Variants in TH observed in about 807,000 individuals in gnomAD.
TH encodes the protein tyrosine 3-monooxygenase.
In TH, 49 loss-of-function variants were observed where a neutral mutation model predicts 57.4. The observed-to-expected ratio is 0.85, with a 90% CI of 0.68 to 1.08. The LOEUF is 1.08. TH is among the 50% of genes least tolerant of loss of function. TH has a pLI of 0.00. For synonymous variants in TH, 330 were observed against 304.5 expected, an observed-to-expected ratio of 1.08 and a Z score of -0.87; for missense variants, 720 against 696.7, an observed-to-expected ratio of 1.03 and a Z score of -0.38.
chr11:2,165,624 G>T, intron 11 of TH, 44 bp downstream of exon 11: 1 of 1,598,628 alleles, frequency 6.3e-7, no homozygotes, highest in Non-Finnish European at 8.6e-7. Context: ...CCGTCCCCCA[G>T]CCCTGCCCCT....
intron 12 of TH, among the ~76,000 whole-genome samples, 178 bp downstream of exon 12, chr11:2,165,054 C>T (rs1166346374): frequency 6.6e-6 from 1 of 152,208 alleles, no homozygotes; most frequent in Non-Finnish European, 1.5e-5. Flanking sequence ...CCTCCCCAGA[C>T]GCTGGGGTCC....
In TH at chr11:2,171,724, C is replaced by T. The variant is rs2133704145; in HGVS notation, c.63G>A (p.Leu21=). 1.2e-6 allele frequency: 2 copies of T among 1,612,830 alleles called. No individual in the cohort carries two copies. Among genetic ancestry groups the T allele is most frequent in the Non-Finnish European group, 1.7e-6 (2 of 1,179,864 alleles). Residue 21 remains leucine (L), a synonymous_variant, in exon 1 of 13, where the codon CTG becomes CTA. Coordinates refer to ENST00000352909, the MANE Select transcript of TH (RefSeq NM_000360.4). This position sits in a 1 kb window ranked among gnomAD's most constrained non-coding sequence, Gnocchi z 8.6. The part of the protein sequence containing the change: ...AKGFRRAVSE[L]DAKQAEAIMS... ...TGATGGCCTCTGCCTGCTTGGCGTCCAGCTCAGACACGGCCCTGCGGAAGC... is the reference window on the plus strand; with the variant it reads ...TGATGGCCTCTGCCTGCTTGGCGTCTAGCTCAGACACGGCCCTGCGGAAGC...
Position 2,168,155 on chromosome 11 carries a change from G to C in TH, c.512C>G (p.Ser171Ter), listed in dbSNP as rs1564919103. ...CAGGTGATGACACTTGTCCAGCTCTGACACTTTTCTTGGGAACCAGGGGAC... is the reference window on the plus strand; with the variant it reads ...CAGGTGATGACACTTGTCCAGCTCTCACACTTTTCTTGGGAACCAGGGGAC... ...PKVPWFPRKV[S>*]ELDKCHHLVT... is the part of the protein sequence containing the mutation. Residue 171 changes from serine to a stop codon, truncating the protein, a stop_gained, in exon 4 of 13, where the codon TCA (serine) becomes TGA (stop). Transcript: ENST00000352909. LOFTEE classifies it high-confidence loss of function. The C allele has an allele frequency of 6.2e-7, 1 of 1,613,608 alleles. No homozygotes were observed. The highest frequency in any genetic ancestry group is 1.1e-5 in the South Asian group (1 of 91,080).
At position 2,164,135 on chromosome 11, in the gene TH, TG is replaced by T; in HGVS notation, c.*97del. 5 of 1,154,778 alleles carry T rather than the reference TG, an allele frequency of 4.3e-6. No homozygotes were observed. Among genetic ancestry groups the T allele is most frequent in the South Asian group, 2.8e-5 (1 of 35,606 alleles). 71.5% of individuals were successfully genotyped at this position (1,154,778 alleles called of 1,614,324 possible). A position where few individuals can be genotyped will look rare whatever the true frequency, so the allele number is the denominator to read the frequency against. ...TGGGAGCCTGGCAGCAGGGAGGGCATGGGGGGCACCCGGGACCCAGCCCCTC... is the reference window on the plus strand; with the variant it reads ...TGGGAGCCTGGCAGCAGGGAGGGCATGGGGGCACCCGGGACCCAGCCCCTC... On this transcript the variant is annotated 3_prime_UTR_variant, in exon 13 of 13. Transcript: ENST00000352909.
In TH at chr11:2,171,485, A is replaced by G. The variant is rs1434116277; in HGVS notation, c.90+212T>C. Among the ~76,000 whole-genome samples, 1 of 151,694 alleles carries G rather than the reference A, an allele frequency of 6.6e-6. No homozygotes were observed. Among genetic ancestry groups the G allele is most frequent in the East Asian group, 1.9e-4 (1 of 5,130 alleles). ...GCCTAAGAGGGGCACACACAGGGAC[A>G]GGCATCACCTCACCCTCCCCCAACA... On this transcript the variant is annotated intron_variant, in intron 1 of 12. Coordinates refer to ENST00000352909, the MANE Select transcript of TH (RefSeq NM_000360.4). The surrounding 1 kb of genome is among the most constrained non-coding windows in gnomAD (Gnocchi z 8.6).
In TH at chr11:2,165,998, C is replaced by T. The variant is rs747560095; in HGVS notation, c.1104+4G>A. On this transcript the variant is annotated splice_donor_region_variant and intron_variant, in intron 10 of 12. Transcript: ENST00000352909. Reference sequence around the variant, plus strand: ...CCAGGCCCTGCAGGGAGGGGTCAACCCACCGTGGACAGCTTCTCAATTTCC... The same window carrying T: ...CCAGGCCCTGCAGGGAGGGGTCAACTCACCGTGGACAGCTTCTCAATTTCC... 1.0e-5 allele frequency: 16 copies of T among 1,561,110 alleles called. No individual in the cohort carries two copies. Among genetic ancestry groups the T allele is most frequent in the Middle Eastern group, 1.7e-4 (1 of 6,000 alleles).
rs1846073404 is a variant in TH, at chr11:2,165,778, G to A, written c.1105-15C>T. The A allele has an allele frequency of 6.2e-7, 1 of 1,609,150 alleles. No individual in the cohort carries two copies. Among genetic ancestry groups the A allele is most frequent in the African/African-American group, 1.3e-5 (1 of 74,618 alleles). On this transcript the variant is annotated splice_polypyrimidine_tract_variant and intron_variant, in intron 10 of 12. Coordinates refer to ENST00000352909, the MANE Select transcript of TH (RefSeq NM_000360.4). Reference sequence around the variant, plus strand: ...AACCAGTACAGCTGCGGGGAAGCCGGGCAGCATCAGCCCAGAGACAGCTGC... The same window carrying A: ...AACCAGTACAGCTGCGGGGAAGCCGAGCAGCATCAGCCCAGAGACAGCTGC...
chr11:2,167,074 A>C, intron 6 of TH, 42 bp from the exon 7 acceptor site: 1 of 1,553,636 alleles, frequency 6.4e-7, no homozygotes, highest in Non-Finnish European at 8.7e-7. Context: ...GCCCCACCCC[A>C]GTGCCCGAAA....
rs1437204916 is a variant in TH, at chr11:2,171,416, A to T, written c.90+281T>A. Among the ~76,000 whole-genome samples the T allele has an allele frequency of 6.6e-6, 1 of 151,692 alleles. No individual in the cohort carries two copies. Among genetic ancestry groups the T allele is most frequent in the Non-Finnish European group, 1.5e-5 (1 of 67,876 alleles). The stretch of plus-strand genomic sequence containing the variant: ...CACATTCCGATCGTTAAGATTCAAG[A>T]TGAAACAAGACACAGAGACCCACAC... On this transcript the variant is annotated intron_variant, in intron 1 of 12. Coordinates refer to ENST00000352909, the MANE Select transcript of TH (RefSeq NM_000360.4). The surrounding 1 kb of genome is among the most constrained non-coding windows in gnomAD (Gnocchi z 8.6).
In TH at chr11:2,169,867, G is replaced by A. The variant is rs746136903; in HGVS notation, c.95C>T (p.Pro32Leu). 1.5e-5 allele frequency: 24 copies of A among 1,608,298 alleles called. No individual in the cohort carries two copies. The highest frequency in any genetic ancestry group is 2.2e-4 in the Middle Eastern group (1 of 4,506). The change falls in exon 2 of 13, where the codon CCG (proline) becomes CTG (leucine). Residue 32 changes from proline (P) to leucine (L), a missense_variant. Physicochemically the swap from Pro to Leu is moderately conservative, Grantham distance 98. Transcript: ENST00000352909. ...DAKQAEAIMS[P>L]RFIGRRQSLI... ...GCTCTGCCTGCGCCCAATGAACCGC[G>A]GGGACTGTGGGGACAAGGGGCACCC...
Position 2,165,597 on chromosome 11 carries a change from C to T in TH, c.1200+71G>A, listed in dbSNP as rs757079579. ...GGCCTCAGTTTCCTCCCACTGGGAG[C>T]CTGTCCCCTCCCTGCACCGTCCCCC... On this transcript the variant is annotated intron_variant, in intron 11 of 12. Transcript: ENST00000352909. 854 of 1,512,964 alleles carry T rather than the reference C, an allele frequency of 5.6e-4. 2 individuals carry two copies. Among genetic ancestry groups the T allele is most frequent in the Non-Finnish European group, 6.8e-4 (746 of 1,097,622 alleles). 93.7% of individuals were successfully genotyped at this position (1,512,964 alleles called of 1,614,324 possible).
chr11:2,168,741 G>GGGGGGGGGGGGCGCCC, intron 2 of TH, 76 bp from the exon 3 acceptor site: 1 of 452,424 alleles, frequency 2.2e-6, no homozygotes, highest in Non-Finnish European at 4.5e-6. Context: ...GGTGGGCGGG[G>GGGGGGGGGGGGCGCCC]AGGAGGCACA....
At position 2,171,697 on chromosome 11, in the gene TH, C is replaced by T. The variant is rs147416823; in HGVS notation, c.90G>A (p.Met30Ile). 1.2e-5 allele frequency: 19 copies of T among 1,611,866 alleles called. No individual in the cohort carries two copies. The African/African-American group carries it at 2.5e-4, about 22-fold the overall frequency. The part of the protein sequence containing the change: ...ELDAKQAEAI[M>I]SPRFIGRRQS... ...GCCGGGCACCTACCTGCCCTCTTACCATGATGGCCTCTGCCTGCTTGGCGT... is the reference window on the plus strand; with the variant it reads ...GCCGGGCACCTACCTGCCCTCTTACTATGATGGCCTCTGCCTGCTTGGCGT... Residue 30 changes from methionine to isoleucine, a missense_variant and splice_region_variant, in exon 1 of 13, where the codon ATG becomes ATA. Met to Ile is a conservative substitution (Grantham distance 10). Transcript: ENST00000352909. This position sits in a 1 kb window ranked among gnomAD's most constrained non-coding sequence, Gnocchi z 8.6.
chr11:2,166,895 A>T lies in TH; in HGVS notation c.833T>A (p.Phe278Tyr). The change falls in exon 7 of 13, where the codon TTC (phenylalanine) becomes TAC (tyrosine). Residue 278 changes from phenylalanine (F) to tyrosine (Y), a missense_variant. By Grantham distance (22) the Phe-to-Tyr change is conservative. Coordinates refer to ENST00000352909, the MANE Select transcript of TH (RefSeq NM_000360.4). ...NIPQLEDVSR[F>Y]LKERTGFQLR... is the part of the protein sequence containing the mutation. ...CTCCCGTCTGGGCACACCCTTCAGG[A>T]AGCGGGAGACGTCCTCCAGCTGGGG... 6.2e-7 allele frequency: 1 copy of T among 1,605,448 alleles called. No homozygotes were observed.
intron 9 of TH, 62 bp from the exon 10 acceptor site, chr11:2,166,120 G>T: frequency 6.6e-7 from 1 of 1,524,954 alleles, no homozygotes; most frequent in South Asian, 1.2e-5. Flanking sequence ...CGAGGTGGGG[G>T]CACCGGGGGT....
At chr11:2,165,625 C>G (rs777586545) in intron 11 of TH, 43 bp downstream of exon 11, 1 of 1,600,148 alleles carries the variant, frequency 6.2e-7, no homozygotes, top group Non-Finnish European at 8.6e-7. Context: ...CGTCCCCCAG[C>G]CCTGCCCCTC....
chr11:2,165,973 C>G, intron 10 of TH, 29 bp downstream of exon 10: 9 of 1,556,204 alleles, frequency 5.8e-6, no homozygotes, highest in Non-Finnish European at 7.8e-6. Flanking sequence ...AACCCACACC[C>G]CAGGCCCTGC....
At chr11:2,165,434 G>T in intron 11 of TH, 69 bp from the exon 12 acceptor site, 1 of 1,597,782 alleles carries the variant, frequency 6.3e-7, no homozygotes, top group Non-Finnish European at 8.5e-7. Flanking sequence ...GGGCACCGTG[G>T]CCTGACGCTG....
Position 2,168,083 on chromosome 11 carries a change from C to T in TH, c.576+8G>A, listed in dbSNP as rs372753775. 7.4e-6 allele frequency: 12 copies of T among 1,613,092 alleles called. No homozygotes were observed. In the African/African-American group the frequency reaches 1.3e-4, roughly 18 times the overall value. ...GCAGGAGGCCTGAGTGAGGGGCGCA[C>T]CACTCACCGGGTGGTCCAAGTCCAG... On this transcript the variant is annotated splice_region_variant and intron_variant, in intron 4 of 12. Transcript: ENST00000352909.
Sources: gnomAD v4.1 joint callset for allele counts (sites outside exome capture counted in the v4.1 genomes callset) on GRCh38, gnomAD v4.1.1 for gene constraint, Gnocchi (gnomAD v3.1) non-coding constraint, MANE v1.5 for transcripts, NCBI Gene and HGNC (gene_info 2026-07-23, HGNC 2026-07-21) for gene names.